The following PDE11A variants were observed in gnomAD, a reference collection of about 807,000 sequenced individuals.
PDE11A encodes the protein phosphodiesterase 11A.
A neutral mutation model predicts 100.5 loss-of-function variants in PDE11A; 100 were observed. The ratio of observed to expected loss-of-function variants is 1.00; its 90% CI spans 0.85 to 1.18. PDE11A has a LOEUF of 1.18. Among genes scored for constraint, PDE11A ranks in the 50% most tolerant of loss-of-function variants. The pLI is 0.00. For synonymous variants in PDE11A, 381 were observed against 420.8 expected, an observed-to-expected ratio of 0.91 and a Z score of 1.16; for missense variants, 1,141 against 1,152.6, an observed-to-expected ratio of 0.99 and a Z score of 0.15.
At chr2:177,956,450 A>G (rs1215183746) in intron 2 of PDE11A, among the ~76,000 whole-genome samples, 2 of 152,180 alleles carry the variant, frequency 1.3e-5, no homozygotes, top group African/African-American at 4.8e-5. Flanking sequence ...GAACATTTTT[A>G]CACTGTTGGT....
At chr2:178,096,159 C>CTTTTTTTTTTTTTT (rs2087485840) in intron 2 of PDE11A, among the ~76,000 whole-genome samples, 1 of 110,214 alleles carries the variant, frequency 9.1e-6, no homozygotes, top group African/African-American at 3.5e-5. Flanking sequence ...ACAGGTTTTT[C>CTTTTTTTTTTTTTT]TTTTCTTTTC....
chr2:178,054,285 G>A (rs574882598), intron 1 of PDE11A, among the ~76,000 whole-genome samples: 1 of 152,242 alleles, frequency 6.6e-6, no homozygotes, highest in South Asian at 2.1e-4. Context: ...TGGGAAAACT[G>A]GCTAGCCATA....
At chr2:177,760,513 C>G (rs1028780616) in intron 10 of PDE11A, among the ~76,000 whole-genome samples, 8 of 151,858 alleles carry the variant, frequency 5.3e-5, no homozygotes, top group African/African-American at 1.9e-4. Flanking sequence ...TCATAAAAAC[C>G]CCTAAATGTT....
chr2:177,710,634 C>G (rs1157376545), intron 13 of PDE11A, among the ~76,000 whole-genome samples: 2 of 152,140 alleles, frequency 1.3e-5, no homozygotes, highest in African/African-American at 4.8e-5. Context: ...GTGGATGTCA[C>G]AGAGACTTGG....
At chr2:178,064,868 G>T (rs535950601) in intron 1 of PDE11A, among the ~76,000 whole-genome samples, 1 of 151,232 alleles carries the variant, frequency 6.6e-6, no homozygotes, top group Non-Finnish European at 1.5e-5. Context: ...AGGAAAAAAA[G>T]ATTTTTTCTC....
At chr2:177,940,443 T>G (rs576223495) in intron 2 of PDE11A, among the ~76,000 whole-genome samples, 12 of 152,328 alleles carry the variant, frequency 7.9e-5, no homozygotes, top group Admixed American at 5.2e-4. Flanking sequence ...TCCTGAGAAC[T>G]GATTCTATTT....
chr2:177,683,949 C>T (rs2080904900), intron 15 of PDE11A, among the ~76,000 whole-genome samples: 1 of 152,072 alleles, frequency 6.6e-6, no homozygotes, highest in South Asian at 2.1e-4. Flanking sequence ...ATAAGGTGCA[C>T]TAAACATTTG....
intron 2 of PDE11A, among the ~76,000 whole-genome samples, chr2:177,937,908 C>T (rs2085296678): frequency 6.6e-6 from 1 of 152,100 alleles, no homozygotes; most frequent in African/African-American, 2.4e-5. Flanking sequence ...CCAAAAGACA[C>T]TGACATAAAC....
At chr2:178,095,598 T>C (rs1010526439) in intron 2 of PDE11A, among the ~76,000 whole-genome samples, 1 of 152,196 alleles carries the variant, frequency 6.6e-6, no homozygotes, top group African/African-American at 2.4e-5. Flanking sequence ...CATAGCTCCA[T>C]TAGGCAATGC....
At chr2:177,944,716 C>T (rs1047068881) in intron 2 of PDE11A, among the ~76,000 whole-genome samples, 2 of 152,102 alleles carry the variant, frequency 1.3e-5, no homozygotes, top group Non-Finnish European at 2.9e-5. Context: ...TCCGAGAGAC[C>T]GCCGAGGTGC....
At chr2:177,642,544 A>C (rs1453605469) in intron 19 of PDE11A, among the ~76,000 whole-genome samples, 2 of 152,220 alleles carry the variant, frequency 1.3e-5, no homozygotes, top group Non-Finnish European at 2.9e-5. Context: ...TGGTATCCCT[A>C]GCAGAGTTTG....
chr2:178,038,038 T>TA (rs71010852), intron 1 of PDE11A, among the ~76,000 whole-genome samples: 11 of 149,974 alleles, frequency 7.3e-5, no homozygotes, highest in South Asian at 4.2e-4. Context: ...TAAAGTATAA[T>TA]AAAAAAAAAA....
chr2:178,048,654 A>T lies in PDE11A; in HGVS notation c.912+22872T>A, dbSNP rs2086783761. Among the ~76,000 whole-genome samples, 3 of 152,218 alleles carry T rather than the reference A, an allele frequency of 2.0e-5. No homozygotes were observed. In the East Asian group the frequency reaches 5.8e-4, roughly 29 times the overall value. ...AGTTCCTCGATGCTGTAATTTCCAA[A>T]GGGACAGGCCCCTTGCATGGGGAGG... On this transcript the variant is annotated intron_variant, in intron 1 of 19. Transcript: ENST00000286063.
chr2:177,939,233 G>C (rs2085314495), intron 2 of PDE11A, among the ~76,000 whole-genome samples: 1 of 151,824 alleles, frequency 6.6e-6, no homozygotes, highest in East Asian at 1.9e-4. Flanking sequence ...TACAAAAGGA[G>C]AGCCAAGCAG....
intron 2 of PDE11A, 85 bp downstream of exon 2, chr2:178,014,217 T>G (rs2086305846): frequency 9.6e-7 from 1 of 1,044,384 alleles, no homozygotes; most frequent in Non-Finnish European, 1.5e-6. Flanking sequence ...CCAACAGCTA[T>G]TCACATAATT....
chr2:177,783,575 T>G (rs143280450), intron 9 of PDE11A, among the ~76,000 whole-genome samples: 21 of 152,360 alleles, frequency 1.4e-4, no homozygotes, highest in African/African-American at 4.8e-4. Context: ...TTCCTTGCAA[T>G]ATAGGCAAGA....
intron 1 of PDE11A, among the ~76,000 whole-genome samples, chr2:178,021,381 A>G (rs1312446857): frequency 6.6e-6 from 1 of 152,234 alleles, no homozygotes; most frequent in African/African-American, 2.4e-5. Context: ...ATAAAATCAA[A>G]TTAATCTAAT....
At position 177,651,981 on chromosome 2, in the gene PDE11A, C is replaced by A. The variant is rs374101215; in HGVS notation, c.2646+11885G>T. On this transcript the variant is annotated intron_variant, in intron 19 of 19. Coordinates refer to ENST00000286063, the MANE Select transcript of PDE11A (RefSeq NM_016953.4). ...TCAAGAGTGATAGGTTATTTCAGGG[C>A]ATCCTGAAAGCATAAGATGCTGAGG... 6.6e-5 allele frequency among the ~76,000 whole-genome samples: 10 copies of A among 152,314 alleles called. No homozygotes were observed. In the East Asian group the frequency reaches 1.4e-3, roughly 21 times the overall value.
intron 2 of PDE11A, among the ~76,000 whole-genome samples, chr2:177,992,648 G>A (rs1380237419): frequency 1.3e-5 from 2 of 152,144 alleles, no homozygotes; most frequent in African/African-American, 4.8e-5. Context: ...ATGGTCATCA[G>A]AAGATAGTTA....
Sources: gnomAD v4.1 joint callset for allele counts (sites outside exome capture counted in the v4.1 genomes callset) on GRCh38, gnomAD v4.1.1 for gene constraint, MANE v1.5 for transcripts, NCBI Gene and HGNC (gene_info 2026-07-23, HGNC 2026-07-21) for gene names.